Variants in APBB2 observed in about 807,000 individuals in gnomAD.
The protein encoded by APBB2 is amyloid beta precursor protein binding family B member 2.
Under a neutral mutation model 82.5 loss-of-function variants are expected in APBB2, and 38 were observed. The observed-to-expected ratio is 0.46, with a 90% confidence interval of 0.36 to 0.60. APBB2 has a LOEUF of 0.60. APBB2 is among the 20% of genes least tolerant of loss of function. The pLI is 0.00. For missense variants in APBB2, 772 were observed against 972.3 expected (o/e 0.79, Z 2.74); for synonymous variants, 341 against 368.2 (o/e 0.93, Z 0.85).
At chr4:41,030,976 C>G (rs62412147) in intron 5 of APBB2, among the ~76,000 whole-genome samples, 6,969 of 152,148 alleles carry the variant, frequency 0.046, 342 homozygotes, top group African/African-American at 0.12. Flanking sequence ...TGTAATCCTA[C>G]CACTTTGAGA....
chr4:41,108,046 C>T (rs1747877848), intron 2 of APBB2, among the ~76,000 whole-genome samples: 1 of 152,054 alleles, frequency 6.6e-6, no homozygotes, highest in South Asian at 2.1e-4. Flanking sequence ...GGGAAAATAT[C>T]CTTGTGCTTG....
intron 4 of APBB2, among the ~76,000 whole-genome samples, chr4:41,045,913 C>T (rs1028414412): frequency 1.8e-4 from 28 of 151,884 alleles, no homozygotes; most frequent in Admixed American, 1.3e-4. Context: ...CTCCGGGTGA[C>T]AGGATTTAGA....
intron 3 of APBB2, among the ~76,000 whole-genome samples, chr4:41,066,893 A>G (rs1732067866): frequency 6.6e-6 from 1 of 152,188 alleles, no homozygotes; most frequent in Admixed American, 6.5e-5. Flanking sequence ...GGGGCAGGGT[A>G]GAGGCAGGAG....
Position 40,992,532 on chromosome 4 carries a change from A to C in APBB2, c.835+21051T>G, listed in dbSNP as rs369354655. 9.2e-5 allele frequency among the ~76,000 whole-genome samples: 14 copies of C among 152,218 alleles called. No individual in the cohort carries two copies. The East Asian group carries it at 2.5e-3, about 27-fold the overall frequency. On this transcript the variant is annotated intron_variant, in intron 6 of 17. Transcript: ENST00000508593. ...TATAGATTTACCTTCTGATGTAGTT[A>C]AACAACATTTTAGATACGTGCTGAA...
intron 12 of APBB2, among the ~76,000 whole-genome samples, chr4:40,835,327 T>C (rs1460921714): frequency 6.6e-6 from 1 of 150,866 alleles, no homozygotes; most frequent in Admixed American, 6.6e-5. Context: ...TTCTAGCTGA[T>C]ATTATGTATC....
At chr4:41,103,940 C>T (rs1746289964) in intron 2 of APBB2, among the ~76,000 whole-genome samples, 2 of 152,152 alleles carry the variant, frequency 1.3e-5, no homozygotes, top group African/African-American at 4.8e-5. Context: ...AGTTTATAAA[C>T]CCATTACAGA....
rs186484791 is a variant in APBB2 at position 40,883,776 on chromosome 4, G to A, written c.1529+6588C>T. ...TCTATATACAGCAGCTACAAAGATC[G>A]CCTCGTTCCATTCTGAGTATGTTAT... On this transcript the variant is annotated intron_variant, in intron 12 of 17. Transcript: ENST00000508593. Among the ~76,000 whole-genome samples the A allele has an allele frequency of 1.4e-4, 21 of 151,190 alleles. No individual in the cohort carries two copies. In the South Asian group the frequency reaches 2.3e-3, roughly 17 times the overall value.
At position 40,832,025 on chromosome 4, in the gene APBB2, C is replaced by T. The variant is rs1334944032; in HGVS notation, c.1530-1448G>A. On this transcript the variant is annotated intron_variant, in intron 12 of 17. Coordinates refer to ENST00000508593, the MANE Select transcript of APBB2 (RefSeq NM_004307.2). The surrounding 1 kb of genome is among the most constrained non-coding windows in gnomAD (Gnocchi z 4.8). ...ATATTTATTTATATACACACACACA[C>T]ACACACACACACACACACACACACA... Among the ~76,000 whole-genome samples, 41 of 151,444 alleles carry T rather than the reference C, an allele frequency of 2.7e-4. No homozygotes were observed. The highest frequency in any genetic ancestry group is 5.8e-4 in the East Asian group (3 of 5,168).
intron 12 of APBB2, among the ~76,000 whole-genome samples, chr4:40,845,012 C>T (rs1757063706): frequency 1.3e-5 from 2 of 152,198 alleles, no homozygotes; most frequent in Non-Finnish European, 2.9e-5. Context: ...AGATCCACTG[C>T]TAGTGATTCA....
chr4:40,916,162 G>T (rs1442397619), intron 10 of APBB2, among the ~76,000 whole-genome samples: 1 of 152,174 alleles, frequency 6.6e-6, no homozygotes, highest in African/African-American at 2.4e-5. Context: ...AATTAGATAT[G>T]ATGAATTCCT....
intron 6 of APBB2, among the ~76,000 whole-genome samples, chr4:40,949,694 C>T (rs984426096): frequency 8.6e-5 from 13 of 151,996 alleles, no homozygotes; most frequent in African/African-American, 3.1e-4. Context: ...CAGAAAATTA[C>T]TTAGTGAAGC....
intron 10 of APBB2, among the ~76,000 whole-genome samples, chr4:40,933,854 T>A (rs1444537742): frequency 6.6e-6 from 1 of 152,192 alleles, no homozygotes; most frequent in African/African-American, 2.4e-5. Flanking sequence ...GAAGCATTCA[T>A]CCCCACACAC....
chr4:40,931,508 A>G (rs1313098580), intron 10 of APBB2, among the ~76,000 whole-genome samples: 1 of 152,148 alleles, frequency 6.6e-6, no homozygotes, highest in Non-Finnish European at 1.5e-5. Context: ...GGGCTCTCGA[A>G]GTGCTGAGAT....
intron 12 of APBB2, among the ~76,000 whole-genome samples, chr4:40,882,634 G>A (rs1170190975): frequency 6.6e-6 from 1 of 152,166 alleles, no homozygotes; most frequent in Non-Finnish European, 1.5e-5. Context: ...TTCGAGTGCT[G>A]CACAGTCACC....
intron 7 of APBB2, chr4:40,935,482 C>A (rs1201482313): frequency 4.6e-6 from 1 of 219,568 alleles, no homozygotes; most frequent in Non-Finnish European, 8.8e-6. Context: ...CCATAATAAT[C>A]ATTTTCCTCC....
chr4:40,940,518 A>G (rs183312548), intron 7 of APBB2, among the ~76,000 whole-genome samples: 305 of 152,344 alleles, frequency 2.0e-3, no homozygotes, highest in African/African-American at 7.0e-3. Context: ...GAAGAAGTTC[A>G]GAAAAATGAC....
At chr4:41,009,423 C>T (rs1481023173) in intron 6 of APBB2, among the ~76,000 whole-genome samples, 1 of 151,998 alleles carries the variant, frequency 6.6e-6, no homozygotes, top group Non-Finnish European at 1.5e-5. Context: ...AAAGGGCAGC[C>T]ACATATTGTA....
chr4:40,943,464 G>A (rs1228406601), intron 7 of APBB2, among the ~76,000 whole-genome samples: 2 of 152,246 alleles, frequency 1.3e-5, no homozygotes, highest in African/African-American at 2.4e-5. Flanking sequence ...AGTGAGAACA[G>A]AGATTGATCC....
At chr4:41,176,286 G>GA (rs1301461775) in intron 1 of APBB2, among the ~76,000 whole-genome samples, 1 of 152,066 alleles carries the variant, frequency 6.6e-6, no homozygotes, top group African/African-American at 2.4e-5. Context: ...TAAAGAAAAT[G>GA]AGACCATCTG....
Sources: allele counts gnomAD v4.1 joint callset (sites outside exome capture counted in the v4.1 genomes callset), GRCh38; gene constraint gnomAD v4.1.1; non-coding constraint Gnocchi (gnomAD v3.1); transcripts MANE v1.5; gene names NCBI Gene and HGNC (gene_info 2026-07-23, HGNC 2026-07-21).